ENKUR: variants seen among roughly 807,000 people sequenced by gnomAD.
The protein encoded by ENKUR is enkurin, TRPC channel interacting protein.
A neutral mutation model predicts 27.6 loss-of-function variants in ENKUR; 19 were observed. The ratio of observed to expected loss-of-function variants is 0.69; its 90% CI spans 0.48 to 1.01. The LOEUF (loss-of-function observed/expected upper bound fraction) is 1.01. Among genes scored for constraint, ENKUR ranks in the 50% least tolerant of loss-of-function variants. ENKUR has a pLI of 0.00. For synonymous variants in ENKUR, 117 were observed against 96.9 expected, an observed-to-expected ratio of 1.21 and a Z score of -1.22; for missense variants, 312 against 310.5, an observed-to-expected ratio of 1.00 and a Z score of -0.04.
At chr10:25,007,419 T>C (rs991770596) in intron 1 of ENKUR, among the ~76,000 whole-genome samples, 5 of 149,212 alleles carry the variant, frequency 3.4e-5, no homozygotes, top group Admixed American at 1.3e-4. Flanking sequence ...AGGTTTCTTA[T>C]TTATTTATTT....
In ENKUR at chr10:25,033,852, TATCTATCTATCTATCA is replaced by T. The variant is rs1193644579; in HGVS notation, c.37+27244_37+27259del. Reference sequence around the variant, plus strand: ...CTATCTATCTATCTATCTATCTATCTATCTATCTATCTATCAATCATCTATTGTCTGTCTGTCTCTA... The same window carrying T: ...CTATCTATCTATCTATCTATCTATCTATCATCTATTGTCTGTCTGTCTCTA... On this transcript the variant is annotated intron_variant, in intron 2 of 5. Transcript: ENST00000615958. 3.3e-5 allele frequency among the ~76,000 whole-genome samples: 4 copies of T among 121,806 alleles called. No individual in the cohort carries two copies. The South Asian group carries it at 9.2e-4, about 28-fold the overall frequency. The allele number at this position is 121,806 out of a possible 152,430, so 79.9% of individuals were successfully genotyped here.
Position 24,995,770 on chromosome 10 carries a change from G to A in ENKUR, c.323C>T (p.Thr108Ile). The change falls in exon 3 of 6, where the codon ACA becomes ATA. Residue 108 changes from threonine to isoleucine, a missense_variant. Thr to Ile is a moderately conservative substitution (Grantham distance 89). Coordinates refer to ENST00000331161, the MANE Select transcript of ENKUR (RefSeq NM_145010.4). ...TCCCATGATGATATCAGCTGCATTT[G>A]TATTTATAAAATTTTTTCCACTCTG... is the stretch of plus-strand genomic sequence containing the variant. ...GIQSGKNFIN[T>I]NAADIIMGVA... 6.2e-7 allele frequency: 1 copy of A among 1,613,928 alleles called. No homozygotes were observed. The highest frequency in any genetic ancestry group is 8.5e-7 in the Non-Finnish European group (1 of 1,179,962).
chr10:24,990,470 A>G lies in ENKUR; in HGVS notation c.587T>C (p.Val196Ala). 1.2e-6 allele frequency: 2 copies of G among 1,611,642 alleles called. No individual in the cohort carries two copies. The highest frequency in any genetic ancestry group is 2.2e-5 in the South Asian group (2 of 90,304). ...KRLSDEEREA[V>A]LQGLKKNWEE... ...AAATGGCAGAACACACACCTGCAAA[A>G]CTGCCTCCCTTTCTTCATCGGAGAG... Residue 196 changes from valine (V) to alanine (A), a missense_variant, in exon 4 of 6, where the codon GTT becomes GCT. By Grantham distance (64) the Val-to-Ala change is moderately conservative. Coordinates refer to ENST00000331161, the MANE Select transcript of ENKUR (RefSeq NM_145010.4).
chr10:24,986,051 A>T (rs772389177), intron 4 of ENKUR, among the ~76,000 whole-genome samples: 1 of 152,198 alleles, frequency 6.6e-6, no homozygotes, highest in Non-Finnish European at 1.5e-5. Flanking sequence ...CTGAAACAAC[A>T]GAGCAGAGAC....
At chr10:25,039,447 G>C (rs904931846) in intron 2 of ENKUR, among the ~76,000 whole-genome samples, 3 of 152,062 alleles carry the variant, frequency 2.0e-5, no homozygotes, top group African/African-American at 2.4e-5. Context: ...GGGTGTGGTG[G>C]TGCATGCCTG....
At chr10:25,025,081 T>C in intron 2 of ENKUR, 1 of 1,614,206 alleles carries the variant, frequency 6.2e-7, no homozygotes. Flanking sequence ...TGACTGGTGC[T>C]CTGAGGGAGA....
chr10:25,015,852 C>G lies in ENKUR; in HGVS notation c.77+8G>C. 1 of 1,597,558 alleles carries G rather than the reference C, an allele frequency of 6.3e-7. No homozygotes were observed. Among genetic ancestry groups the G allele is most frequent in the Non-Finnish European group, 8.5e-7 (1 of 1,171,876 alleles). Reference sequence around the variant, plus strand: ...GTTTCAAGTGATAGTCTTTGCTTATCCACATACCTAGGAGGCTGGGGAGGC... The same window carrying G: ...GTTTCAAGTGATAGTCTTTGCTTATGCACATACCTAGGAGGCTGGGGAGGC... On this transcript the variant is annotated splice_region_variant and intron_variant, in intron 1 of 5. Transcript: ENST00000331161.
chr10:25,024,072 A>C, intron 2 of ENKUR: 2 of 1,614,202 alleles, frequency 1.2e-6, no homozygotes, highest in Non-Finnish European at 1.7e-6. Flanking sequence ...GGAAAAGCCT[A>C]GTAGGAGCAA....
At chr10:25,002,132 C>T in intron 1 of ENKUR, among the ~76,000 whole-genome samples, 1 of 152,130 alleles carries the variant, frequency 6.6e-6, no homozygotes, top group East Asian at 1.9e-4. Flanking sequence ...ACTACTGAGG[C>T]AATATACTTC....
chr10:24,997,747 G>C (rs1169245822), intron 2 of ENKUR, among the ~76,000 whole-genome samples: 1 of 151,192 alleles, frequency 6.6e-6, no homozygotes, highest in Non-Finnish European at 1.5e-5. Context: ...GTTTGCTTTT[G>C]CCTTACAATG....
chr10:25,043,697 G>C (rs2130474944), intron 2 of ENKUR, among the ~76,000 whole-genome samples: 1 of 152,040 alleles, frequency 6.6e-6, no homozygotes, highest in South Asian at 2.1e-4. Context: ...ATTCTCTTCT[G>C]TTCTACTGGG....
chr10:25,017,326 T>G (rs1341338004), upstream of ENKUR, among the ~76,000 whole-genome samples: 1 of 152,182 alleles, frequency 6.6e-6, no homozygotes, highest in African/African-American at 2.4e-5. Flanking sequence ...ATTTAGACGC[T>G]TTTACCCGAG....
intron 2 of ENKUR, among the ~76,000 whole-genome samples, chr10:25,043,547 G>A (rs1264638152): frequency 7.9e-5 from 12 of 151,992 alleles, no homozygotes; most frequent in Admixed American, 7.9e-4. Context: ...TTAGAAGTGT[G>A]GCCATAATAT....
At chr10:25,037,892 C>T (rs1000859627) in intron 2 of ENKUR, among the ~76,000 whole-genome samples, 2 of 152,120 alleles carry the variant, frequency 1.3e-5, no homozygotes, top group African/African-American at 4.8e-5. Flanking sequence ...TCTTTCTCAT[C>T]GTTATCATTT....
intron 1 of ENKUR, among the ~76,000 whole-genome samples, chr10:25,008,807 G>T (rs371700951): frequency 2.0e-5 from 3 of 152,104 alleles, no homozygotes; most frequent in African/African-American, 7.3e-5. Context: ...ACATGCACAC[G>T]TATGTTTATT....
At position 24,995,808 on chromosome 10, in the gene ENKUR, A is replaced by G; in HGVS notation, c.285T>C (p.Pro95=). The G allele has an allele frequency of 6.2e-7, 1 of 1,614,078 alleles. No individual in the cohort carries two copies. The highest frequency in any genetic ancestry group is 8.5e-7 in the Non-Finnish European group (1 of 1,180,010). Residue 95 remains proline (P), a synonymous_variant, in exon 3 of 6, where the codon CCT becomes CCC. Coordinates refer to ENST00000331161, the MANE Select transcript of ENKUR (RefSeq NM_145010.4). ...KPAVPLKTDH[P]VMGIQSGKNF... is the part of the protein sequence containing the mutation. ...TTTTTCCACTCTGTATTCCCATGAC[A>G]GGATGATCAGTCTTCAATGGCACAG...
upstream of ENKUR, among the ~76,000 whole-genome samples, chr10:25,019,551 G>T (rs1850677280): frequency 6.6e-6 from 1 of 152,176 alleles, no homozygotes; most frequent in Admixed American, 6.5e-5. Context: ...CAACAGCTCT[G>T]TACCTAGCAT....
At chr10:25,020,369 T>C (rs1475648115), upstream of ENKUR, among the ~76,000 whole-genome samples, 4 of 152,040 alleles carry the variant, frequency 2.6e-5, no homozygotes, top group Non-Finnish European at 5.9e-5. Context: ...AAAAGTAAGA[T>C]TGCAAAACAT....
At chr10:25,020,917 A>G (rs1316569717), upstream of ENKUR, among the ~76,000 whole-genome samples, 1 of 152,218 alleles carries the variant, frequency 6.6e-6, no homozygotes, top group Non-Finnish European at 1.5e-5. Context: ...TAAGTGCCCT[A>G]AAAGCAGTTT....
Sources: allele counts gnomAD v4.1 joint callset (sites outside exome capture counted in the v4.1 genomes callset), GRCh38; gene constraint gnomAD v4.1.1; transcripts MANE v1.5; gene names NCBI Gene and HGNC (gene_info 2026-07-23, HGNC 2026-07-21).